NEK3: variants seen among roughly 807,000 people sequenced by gnomAD.
The protein encoded by NEK3 is serine/threonine-protein kinase Nek3.
In NEK3, 54 loss-of-function variants were observed where a neutral mutation model predicts 66.0. The observed-to-expected ratio is 0.82, with a 90% CI of 0.66 to 1.03. The LOEUF is 1.03. Among genes scored for constraint, NEK3 ranks in the 50% least tolerant of loss-of-function variants. The probability of loss-of-function intolerance (pLI) is 0.00; values close to 1 mark genes in which losing one functional copy is unlikely to be tolerated. For missense variants in NEK3, 593 were observed against 603.0 expected, an observed-to-expected ratio of 0.98 and a Z score of 0.17; for synonymous variants, 200 against 206.2, an observed-to-expected ratio of 0.97 and a Z score of 0.26.
At chr13:52,148,303 T>G in intron 8 of NEK3, 112 bp downstream of exon 8, 1 of 1,008,986 alleles carries the variant, frequency 9.9e-7, no homozygotes. Flanking sequence ...ATATACAAAC[T>G]TTTATAATGA....
At chr13:52,144,232 G>T (rs1956274484) in intron 9 of NEK3, among the ~76,000 whole-genome samples, 1 of 152,140 alleles carries the variant, frequency 6.6e-6, no homozygotes, top group Non-Finnish European at 1.5e-5. Flanking sequence ...TGGCTAACAT[G>T]GTGAAACCCC....
At position 52,133,203 on chromosome 13, in the gene NEK3, T is replaced by G; in HGVS notation, c.1460A>C (p.Asn487Thr). ...EDTDFEEEDD[N>T]PDWVSELKKR... Reference sequence around the variant, plus strand: ...CTTCAGCTCTGACACCCAGTCGGGGTTGTCATCTTCCTCCTCAAAGTCCCT... The same window carrying G: ...CTTCAGCTCTGACACCCAGTCGGGGGTGTCATCTTCCTCCTCAAAGTCCCT... Residue 487 changes from asparagine to threonine, a missense_variant, in exon 16 of 16, where the codon AAC (asparagine) becomes ACC (threonine). By Grantham distance (65) the Asn-to-Thr change is moderately conservative (BLOSUM62 0). Coordinates refer to ENST00000610828, the MANE Select transcript of NEK3 (RefSeq NM_002498.3). 6.2e-7 allele frequency: 1 copy of G among 1,609,006 alleles called. No individual in the cohort carries two copies. The highest frequency in any genetic ancestry group is 8.5e-7 in the Non-Finnish European group (1 of 1,177,872).
chr13:52,141,046 C>T lies in NEK3; in HGVS notation c.901G>A (p.Ala301Thr). The T allele has an allele frequency of 6.2e-7, 1 of 1,601,358 alleles. No homozygotes were observed. The highest frequency in any genetic ancestry group is 1.7e-5 in the Admixed American group (1 of 58,118). Residue 301 changes from alanine to threonine, a missense_variant, in exon 11 of 16, where the codon GCT (alanine) becomes ACT (threonine). By Grantham distance (58) the Ala-to-Thr change is moderately conservative. Coordinates refer to ENST00000610828, the MANE Select transcript of NEK3 (RefSeq NM_002498.3). Reference protein sequence around the residue: ...KKTNPSRIRIALGNEASTVQE... With the variant: ...KKTNPSRIRITLGNEASTVQE... The stretch of plus-strand genomic sequence containing the variant: ...ACTGTGCTTGCTTCATTTCCCAAAG[C>T]TATCCTGATTCTGCTGGGGTTTGCT...
chr13:52,151,384 GA>G lies in NEK3; in HGVS notation c.401del (p.Phe134SerfsTer8). ...ATTTCACTTTTCCATTCTGAGTGAG[GA>G]AGATATTCTGCATTTAAAAAGAAAA... is the stretch of plus-strand genomic sequence containing the variant. ...LHRDIKSKNI[F>X]LTQNGKVKLG... On this transcript the variant is annotated frameshift_variant, in exon 6 of 16. Coordinates refer to ENST00000610828, the MANE Select transcript of NEK3 (RefSeq NM_002498.3). LOFTEE classifies it high-confidence loss of function. The G allele has an allele frequency of 6.3e-7, 1 of 1,584,494 alleles. No individual in the cohort carries two copies. Among genetic ancestry groups the G allele is most frequent in the Non-Finnish European group, 8.6e-7 (1 of 1,164,596 alleles).
chr13:52,146,852 T>C (rs1442538411), intron 8 of NEK3, among the ~76,000 whole-genome samples: 1 of 152,194 alleles, frequency 6.6e-6, no homozygotes, highest in East Asian at 1.9e-4. Context: ...TTTCATCTGG[T>C]AGTGGTGAAG....
At chr13:52,154,887 G>GT (rs1255227344) in intron 2 of NEK3, among the ~76,000 whole-genome samples, 3 of 150,296 alleles carry the variant, frequency 2.0e-5, no homozygotes, top group Non-Finnish European at 4.4e-5. Flanking sequence ...GAGCCCAGGA[G>GT]TTTGAGCTGC....
At position 52,152,631 on chromosome 13, in the gene NEK3, A is replaced by T; in HGVS notation, c.371T>A (p.Leu124Gln). Reference protein sequence around the residue: ...GVNHIHKKRVLHRDIKSKNIF... With the variant: ...GVNHIHKKRVQHRDIKSKNIF... Reference sequence around the variant, plus strand: ...CACCTTGGACTTGATATCTCTGTGTAGCACACGTTTCTTGTGAATGTGATT... The same window carrying T: ...CACCTTGGACTTGATATCTCTGTGTTGCACACGTTTCTTGTGAATGTGATT... The change falls in exon 5 of 16, where the codon CTA (leucine) becomes CAA (glutamine). Residue 124 changes from leucine (L) to glutamine (Q), a missense_variant. Transcript: ENST00000610828. 6.2e-7 allele frequency: 1 copy of T among 1,610,558 alleles called. No homozygotes were observed. The highest frequency in any genetic ancestry group is 8.5e-7 in the Non-Finnish European group (1 of 1,178,348).
chr13:52,141,074 TA>T lies in NEK3; in HGVS notation c.878-6del. ...TCCTGATTCTGCTGGGGTTTGCTTT[TA>T]AAAGAGAGAGAGAAGGTAGAAAGAT... On this transcript the variant is annotated splice_polypyrimidine_tract_variant and splice_region_variant and intron_variant, in intron 10 of 15. Coordinates refer to ENST00000610828, the MANE Select transcript of NEK3 (RefSeq NM_002498.3). The T allele has an allele frequency of 6.3e-7, 1 of 1,596,148 alleles. No individual in the cohort carries two copies. The highest frequency in any genetic ancestry group is 8.5e-7 in the Non-Finnish European group (1 of 1,170,966).
chr13:52,140,409 C>T (rs976365537), intron 11 of NEK3, among the ~76,000 whole-genome samples: 5 of 151,972 alleles, frequency 3.3e-5, no homozygotes, highest in African/African-American at 1.2e-4. Context: ...GAGATCGAGA[C>T]CATCCTGGCT....
At chr13:52,149,321 C>CCAGG (rs1956319777) in intron 7 of NEK3, among the ~76,000 whole-genome samples, 2 of 152,108 alleles carry the variant, frequency 1.3e-5, no homozygotes, top group Admixed American at 6.5e-5. Flanking sequence ...AGCAATCCTC[C>CCAGG]TGCCTCAGCC....
At chr13:52,137,444 T>C (rs758411249) in intron 11 of NEK3, among the ~76,000 whole-genome samples, 16 of 152,218 alleles carry the variant, frequency 1.1e-4, no homozygotes, top group Admixed American at 2.0e-4. Flanking sequence ...GAAGTACATA[T>C]TGAATGCCTA....
chr13:52,145,523 G>A (rs763260998), intron 8 of NEK3, among the ~76,000 whole-genome samples: 1 of 151,746 alleles, frequency 6.6e-6, no homozygotes, highest in Non-Finnish European at 1.5e-5. Flanking sequence ...ATGTTGCCCA[G>A]GCTAGTCTTG....
At chr13:52,154,624 T>TA (rs888707281) in intron 2 of NEK3, among the ~76,000 whole-genome samples, 1 of 151,486 alleles carries the variant, frequency 6.6e-6, no homozygotes, top group Admixed American at 6.6e-5. Context: ...CTGGTCCAGA[T>TA]AAAAAAAGAG....
At chr13:52,133,336 G>A in intron 15 of NEK3, 110 bp from the exon 16 acceptor site, 3 of 915,620 alleles carry the variant, frequency 3.3e-6, no homozygotes, top group Non-Finnish European at 5.0e-6. Context: ...TGAAAATTGA[G>A]TTCCATAAGG....
intron 10 of NEK3, 27 bp downstream of exon 10, chr13:52,143,888 C>T (rs1268631383): frequency 8.1e-7 from 1 of 1,233,914 alleles, no homozygotes; most frequent in Non-Finnish European, 1.1e-6. Context: ...GAGCACTTAA[C>T]AAAAAATACT....
In NEK3 at chr13:52,133,169, A is replaced by C; in HGVS notation, c.1494T>G (p.Ala498=). 6.2e-7 allele frequency: 1 copy of C among 1,611,104 alleles called. No homozygotes were observed. Among genetic ancestry groups the C allele is most frequent in the Non-Finnish European group, 8.5e-7 (1 of 1,178,868 alleles). ...ATCTGTCGCACAGGCCTTGCCATCC[A>C]GCTCGCTTCTTCAGCTCTGACACCC... ...PDWVSELKKR[A]GWQGLCDR The change falls in exon 16 of 16, where the codon GCT becomes GCG. Residue 498 remains alanine (A), a synonymous_variant. Transcript: ENST00000610828.
Position 52,148,407 on chromosome 13 carries a change from A to G in NEK3, c.603+8T>C, listed in dbSNP as rs780710489. On this transcript the variant is annotated splice_region_variant and intron_variant, in intron 8 of 15. Coordinates refer to ENST00000610828, the MANE Select transcript of NEK3 (RefSeq NM_002498.3). ...AGCTGCCTTTTCCATTTTGCACGCC[A>G]TACTTACTGGATGCTTAAGGGTACA... 12 of 1,612,978 alleles carry G rather than the reference A, an allele frequency of 7.4e-6. No homozygotes were observed. The highest frequency in any genetic ancestry group is 1.1e-5 in the South Asian group (1 of 90,916).
intron 14 of NEK3, among the ~76,000 whole-genome samples, chr13:52,135,051 A>G (rs1956191214): frequency 6.6e-6 from 1 of 152,216 alleles, no homozygotes; most frequent in African/African-American, 2.4e-5. Context: ...AATCTATCTT[A>G]GATCTTAACC....
At chr13:52,148,884 A>C (rs1956315894) in intron 7 of NEK3, among the ~76,000 whole-genome samples, 1 of 151,898 alleles carries the variant, frequency 6.6e-6, no homozygotes, top group African/African-American at 2.4e-5. Flanking sequence ...GGATGGCTCT[A>C]AGGGATAGGG....
Sources: allele counts gnomAD v4.1 joint callset (sites outside exome capture counted in the v4.1 genomes callset), GRCh38; gene constraint gnomAD v4.1.1; transcripts MANE v1.5; gene names NCBI Gene and HGNC (gene_info 2026-07-23, HGNC 2026-07-21).